Variants in TMEM132D observed in about 807,000 individuals in gnomAD.
The protein encoded by TMEM132D is transmembrane protein 132D, also known as mature OL transmembrane protein.
TMEM132D carries 21 observed loss-of-function variants against 62.3 expected under a neutral mutation model. The ratio of observed to expected loss-of-function variants is 0.34; its 90% CI spans 0.24 to 0.49. The LOEUF (loss-of-function observed/expected upper bound fraction) is 0.49. Ranked by LOEUF, TMEM132D falls within the 20% of genes least tolerant of loss-of-function variation. TMEM132D has a pLI of 0.99. For missense variants in TMEM132D, 1,346 were observed against 1,402.8 expected (o/e 0.96, Z 0.65); for synonymous variants, 621 against 575.6 (o/e 1.08, Z -1.13).
intron 4 of TMEM132D, among the ~76,000 whole-genome samples, chr12:129,260,432 C>G (rs891636277): frequency 6.6e-6 from 1 of 152,188 alleles, no homozygotes; most frequent in Non-Finnish European, 1.5e-5. Context: ...GAGAGCTGAA[C>G]AAGTGACTAG....
intron 4 of TMEM132D, among the ~76,000 whole-genome samples, chr12:129,274,962 G>A (rs1267909393): frequency 1.3e-5 from 2 of 152,096 alleles, no homozygotes; most frequent in Non-Finnish European, 2.9e-5. Flanking sequence ...AAATATCTTT[G>A]AAAATATATT....
chr12:129,157,592 C>T (rs995760600), intron 5 of TMEM132D, among the ~76,000 whole-genome samples: 1 of 152,170 alleles, frequency 6.6e-6, no homozygotes, highest in Non-Finnish European at 1.5e-5. Flanking sequence ...AAGCAACAGA[C>T]ACTGCAAACT....
rs746315309 is a variant in TMEM132D at position 129,842,097 on chromosome 12, A to ATTTT, written c.79+61160_79+61163dup. ...AGGCGCCCACCACCACGCCCGGCTA[A>ATTTT]TTTTTTTTTTTTTTTTTTTTTTTTG... On this transcript the variant is annotated intron_variant, in intron 1 of 8. Transcript: ENST00000422113. Among the ~76,000 whole-genome samples, 893 of 97,416 alleles carry ATTTT rather than the reference A, an allele frequency of 9.2e-3. 6 individuals carry two copies. The highest frequency in any genetic ancestry group is 0.014 in the Non-Finnish European group (732 of 50,874). 63.9% of individuals were successfully genotyped at this position (97,416 alleles called of 152,430 possible).
At chr12:129,597,276 TAAAC>T (rs999589050) in intron 2 of TMEM132D, among the ~76,000 whole-genome samples, 14 of 152,210 alleles carry the variant, frequency 9.2e-5, no homozygotes, top group Admixed American at 2.0e-4. Flanking sequence ...GAGAGGTACT[TAAAC>T]AAACAACAGT....
chr12:129,404,306 C>A (rs976124208), intron 3 of TMEM132D, among the ~76,000 whole-genome samples: 1 of 152,108 alleles, frequency 6.6e-6, no homozygotes, highest in Admixed American at 6.5e-5. Context: ...TCAAGTGATT[C>A]TCCTGCCTCA....
intron 4 of TMEM132D, among the ~76,000 whole-genome samples, chr12:129,248,016 A>C (rs1357096360): frequency 6.6e-6 from 1 of 152,154 alleles, no homozygotes; most frequent in Non-Finnish European, 1.5e-5. Context: ...TTTAGCATAA[A>C]ATTCAAGCCA....
chr12:129,513,925 C>A (rs868186466), intron 3 of TMEM132D, among the ~76,000 whole-genome samples: 2 of 151,364 alleles, frequency 1.3e-5, no homozygotes, highest in Non-Finnish European at 2.9e-5. Flanking sequence ...GCAAGCTCCG[C>A]CTCCCGGGTT....
chr12:129,311,408 G>C (rs1191914554), intron 4 of TMEM132D, among the ~76,000 whole-genome samples: 1 of 152,082 alleles, frequency 6.6e-6, no homozygotes, highest in African/African-American at 2.4e-5. Context: ...TCAGTTATTG[G>C]TTGCTTGGAT....
At chr12:129,346,491 T>C (rs1391007974) in intron 3 of TMEM132D, among the ~76,000 whole-genome samples, 2 of 152,202 alleles carry the variant, frequency 1.3e-5, no homozygotes, top group Admixed American at 1.3e-4. Flanking sequence ...TTTGAATTTG[T>C]TTGCTCTTGT....
intron 5 of TMEM132D, among the ~76,000 whole-genome samples, chr12:129,146,692 T>A (rs1876908813): frequency 6.6e-6 from 1 of 152,186 alleles, no homozygotes; most frequent in Non-Finnish European, 1.5e-5. Context: ...GCAATGCTCT[T>A]ACCCTGCTTA....
intron 4 of TMEM132D, among the ~76,000 whole-genome samples, chr12:129,241,052 T>C (rs1879923653): frequency 6.6e-6 from 1 of 151,220 alleles, no homozygotes; most frequent in Non-Finnish European, 1.5e-5. Context: ...ATATAAATAG[T>C]TTACTAATTG....
intron 2 of TMEM132D, among the ~76,000 whole-genome samples, chr12:129,606,019 A>T (rs1878615943): frequency 1.3e-5 from 2 of 152,164 alleles, no homozygotes; most frequent in Non-Finnish European, 1.5e-5. Flanking sequence ...AGGTGGAACA[A>T]GAACTTGAAC....
chr12:129,617,021 T>A (rs1351277809), intron 2 of TMEM132D, among the ~76,000 whole-genome samples: 2 of 152,246 alleles, frequency 1.3e-5, no homozygotes, highest in African/African-American at 4.8e-5. Flanking sequence ...CCTACTTTTG[T>A]CTTCCCCAAA....
chr12:129,240,208 C>G (rs993600769), intron 4 of TMEM132D, among the ~76,000 whole-genome samples: 7 of 152,198 alleles, frequency 4.6e-5, no homozygotes, highest in Admixed American at 3.9e-4. Flanking sequence ...CTACAGGGCC[C>G]TTTTAACATA....
chr12:129,821,288 G>A (rs922965404), intron 1 of TMEM132D, among the ~76,000 whole-genome samples: 1 of 152,158 alleles, frequency 6.6e-6, no homozygotes, highest in Non-Finnish European at 1.5e-5. Flanking sequence ...TAATTTCCTG[G>A]AGAATTCCAC....
At chr12:129,206,168 T>G (rs933197432) in intron 5 of TMEM132D, among the ~76,000 whole-genome samples, 1 of 152,048 alleles carries the variant, frequency 6.6e-6, no homozygotes, top group African/African-American at 2.4e-5. Flanking sequence ...ACAGACAACC[T>G]ACATACAGAA....
chr12:129,607,074 T>TC (rs996529580), intron 2 of TMEM132D, among the ~76,000 whole-genome samples: 43 of 151,884 alleles, frequency 2.8e-4, no homozygotes, highest in African/African-American at 9.6e-4. Context: ...TTTCTTTCTT[T>TC]TTTTTTTTTG....
At chr12:129,515,255 A>G (rs779862491) in intron 3 of TMEM132D, among the ~76,000 whole-genome samples, 1 of 152,188 alleles carries the variant, frequency 6.6e-6, no homozygotes. Flanking sequence ...CTGTCGGTAC[A>G]CTGGTTTTCA....
At chr12:129,196,561 GTAT>G (rs1212256814) in intron 5 of TMEM132D, among the ~76,000 whole-genome samples, 2 of 152,148 alleles carry the variant, frequency 1.3e-5, no homozygotes, top group Admixed American at 6.5e-5. Context: ...ATGATGTGGT[GTAT>G]TTGACTGGTG....
Sources: allele counts gnomAD v4.1 joint callset (sites outside exome capture counted in the v4.1 genomes callset), GRCh38; gene constraint gnomAD v4.1.1; transcripts MANE v1.5; gene names NCBI Gene and HGNC (gene_info 2026-07-23, HGNC 2026-07-21).